NIPBL: variants seen among roughly 807,000 people sequenced by gnomAD.
The protein encoded by NIPBL is NIPBL cohesin loading factor, also known as nipped-B-like protein.
In NIPBL, 19 loss-of-function variants were observed where a neutral mutation model predicts 321.8. The observed-to-expected ratio is 0.06, with a 90% CI of 0.04 to 0.09. NIPBL has a LOEUF of 0.09. NIPBL is among the 10% of genes least tolerant of loss of function. The pLI is 1.00. For synonymous variants in NIPBL, 1,106 were observed against 1,114.1 expected, an observed-to-expected ratio of 0.99 and a Z score of 0.14; for missense variants, 2,210 against 3,327.0, an observed-to-expected ratio of 0.66 and a Z score of 8.26.
chr5:36,887,921 A>G (rs930063331), intron 1 of NIPBL, among the ~76,000 whole-genome samples: 1 of 152,208 alleles, frequency 6.6e-6, no homozygotes, highest in African/African-American at 2.4e-5. Flanking sequence ...TACATGAAGT[A>G]GGTTAATGTT....
At chr5:36,948,133 A>G (rs1479735124) in intron 1 of NIPBL, among the ~76,000 whole-genome samples, 2 of 151,776 alleles carry the variant, frequency 1.3e-5, no homozygotes, top group African/African-American at 4.8e-5. Flanking sequence ...CCCCTTTACC[A>G]CATTCTTGTG....
intron 46 of NIPBL, 37 bp downstream of exon 46, chr5:37,064,015 A>G (rs780910304): frequency 6.2e-7 from 1 of 1,606,656 alleles, no homozygotes; most frequent in Non-Finnish European, 8.5e-7. Flanking sequence ...TTCGCAGCGT[A>G]TTACGTAAAA....
intron 1 of NIPBL, among the ~76,000 whole-genome samples, chr5:36,938,017 C>T (rs1738635171): frequency 6.6e-6 from 1 of 152,184 alleles, no homozygotes; most frequent in South Asian, 2.1e-4. Flanking sequence ...GGTTGTTTGC[C>T]ATGTGACCAC....
intron 1 of NIPBL, chr5:36,886,130 C>G (rs1233189978): frequency 4.6e-6 from 3 of 653,498 alleles, no homozygotes; most frequent in Non-Finnish European, 8.4e-6. Context: ...GGAGATCCAT[C>G]TGGACTTGAT....
chr5:36,896,004 C>CTT (rs1746703978), intron 1 of NIPBL, among the ~76,000 whole-genome samples: 1 of 152,144 alleles, frequency 6.6e-6, no homozygotes, highest in Non-Finnish European at 1.5e-5. Flanking sequence ...CTTTGGGTGT[C>CTT]ATAAGAAACT....
At position 37,026,199 on chromosome 5, in the gene NIPBL, T is replaced by TA. The variant is rs749090617; in HGVS notation, c.5710-29dup. ...GTGAAATTGCCGTATTTGTTATAATTAGTTAATTTGAAATTTCTCTTCCTT... is the reference window on the plus strand; with the variant it reads ...GTGAAATTGCCGTATTTGTTATAATTAAGTTAATTTGAAATTTCTCTTCCTT... On this transcript the variant is annotated intron_variant, in intron 30 of 46. Transcript: ENST00000282516. The TA allele has an allele frequency of 4.7e-6, 6 of 1,269,792 alleles. No homozygotes were observed. In the African/African-American group the frequency reaches 8.8e-5, roughly 19 times the overall value. 78.7% of individuals were successfully genotyped at this position (1,269,792 alleles called of 1,614,324 possible).
chr5:37,022,730 G>GTA (rs1749792738), intron 29 of NIPBL, among the ~76,000 whole-genome samples: 1 of 152,110 alleles, frequency 6.6e-6, no homozygotes, highest in Non-Finnish European at 1.5e-5. Context: ...ATTTATGTAT[G>GTA]TATATATATA....
At chr5:36,885,745 C>T in intron 1 of NIPBL, 1 of 600,302 alleles carries the variant, frequency 1.7e-6, no homozygotes, top group Admixed American at 2.0e-5. Context: ...TAGAGAACGA[C>T]ATCCGTGGGC....
chr5:36,935,229 T>C (rs1475555812), intron 1 of NIPBL, among the ~76,000 whole-genome samples: 1 of 152,126 alleles, frequency 6.6e-6, no homozygotes, highest in Non-Finnish European at 1.5e-5. Context: ...ACTTCTTTGA[T>C]CCATTCACTC....
intron 1 of NIPBL, among the ~76,000 whole-genome samples, chr5:36,919,278 A>G (rs906600121): frequency 6.6e-6 from 1 of 152,190 alleles, no homozygotes; most frequent in Non-Finnish European, 1.5e-5. Flanking sequence ...GTGTATCTTC[A>G]GAATAAAAGA....
intron 45 of NIPBL, among the ~76,000 whole-genome samples, chr5:37,063,468 GCTGTTTTTGTATCTAACCCATTGC>G (rs1755021382): frequency 6.6e-6 from 1 of 152,166 alleles, no homozygotes; most frequent in African/African-American, 2.4e-5. Flanking sequence ...GAAAACTCTG[GCTGTTTTTGTATCTAACCCATTGC>G]CTGTTTTTGC....
In NIPBL at chr5:37,022,255, A is replaced by G. The variant is rs1749735206; in HGVS notation, c.5439A>G (p.Gln1813=). 6.2e-7 allele frequency: 1 copy of G among 1,614,102 alleles called. No homozygotes were observed. Among genetic ancestry groups the G allele is most frequent in the South Asian group, 1.1e-5 (1 of 91,078 alleles). Residue 1813 remains glutamine, a synonymous_variant, in exon 29 of 47, where the codon CAA becomes CAG. Coordinates refer to ENST00000282516, the MANE Select transcript of NIPBL (RefSeq NM_133433.4). ...DPSILARLDM[Q]RGVHGRLMDN... ...TCATTTTTCTTTAGCTTGATATGCA[A>G]CGAGGTGTTCATGGACGATTGATGG...
At chr5:37,029,058 C>CT (rs1750650951) in intron 32 of NIPBL, among the ~76,000 whole-genome samples, 1 of 152,124 alleles carries the variant, frequency 6.6e-6, no homozygotes. Flanking sequence ...AATTTTTAAT[C>CT]TAGGAGACAA....
At chr5:36,992,574 G>C (rs1205953107) in intron 10 of NIPBL, among the ~76,000 whole-genome samples, 1 of 151,908 alleles carries the variant, frequency 6.6e-6, no homozygotes, top group Non-Finnish European at 1.5e-5. Context: ...AAGTACGGTG[G>C]TGCTAATATA....
At chr5:37,004,303 T>C (rs1204554637) in intron 16 of NIPBL, among the ~76,000 whole-genome samples, 1 of 152,218 alleles carries the variant, frequency 6.6e-6, no homozygotes, top group Admixed American at 6.5e-5. Context: ...ATATGTGCAT[T>C]CAAATTGATC....
At chr5:36,936,576 G>C (rs1738454356) in intron 1 of NIPBL, among the ~76,000 whole-genome samples, 6 of 152,122 alleles carry the variant, frequency 3.9e-5, no homozygotes, top group Admixed American at 3.9e-4. Context: ...GTTTGTCCCT[G>C]TCATTATGTG....
At chr5:36,990,588 G>A (rs998698301) in intron 10 of NIPBL, among the ~76,000 whole-genome samples, 2 of 152,072 alleles carry the variant, frequency 1.3e-5, no homozygotes, top group African/African-American at 4.8e-5. Context: ...TGATATCAGT[G>A]ATATCTTTAG....
At chr5:37,038,006 T>TA (rs200006268) in intron 33 of NIPBL, among the ~76,000 whole-genome samples, 4 of 115,034 alleles carry the variant, frequency 3.5e-5, no homozygotes, top group Non-Finnish European at 7.0e-5. Flanking sequence ...TTTTTTTTTT[T>TA]AAAGACAGGG....
intron 32 of NIPBL, among the ~76,000 whole-genome samples, chr5:37,036,177 A>T (rs929240546): frequency 6.6e-6 from 1 of 151,668 alleles, no homozygotes; most frequent in African/African-American, 2.4e-5. Context: ...GGTTTATAAG[A>T]TATTTTTAAA....
Sources: allele counts gnomAD v4.1 joint callset (sites outside exome capture counted in the v4.1 genomes callset), GRCh38; gene constraint gnomAD v4.1.1; transcripts MANE v1.5; gene names NCBI Gene and HGNC (gene_info 2026-07-23, HGNC 2026-07-21).